HEMK2: variants seen among roughly 807,000 people sequenced by gnomAD.
HEMK2 encodes the protein methyltransferase HEMK2.
At chr21:28,762,364 C>A in the HEMK2 span, among the ~76,000 whole-genome samples, 8 of 152,164 alleles carry the variant, frequency 5.3e-5, no homozygotes, top group South Asian at 1.7e-3. Flanking sequence ...GTTATCCAAA[C>A]CATGGTCTAC....
the HEMK2 span, chr21:28,879,835 A>C: frequency 5.6e-6 from 8 of 1,437,798 alleles, no homozygotes; most frequent in Non-Finnish European, 6.6e-6. Context: ...AAATAATTGA[A>C]AATATTAATA....
At chr21:28,722,865 C>T in the HEMK2 span, among the ~76,000 whole-genome samples, 3 of 151,404 alleles carry the variant, frequency 2.0e-5, no homozygotes, top group African/African-American at 7.3e-5. Flanking sequence ...GCCTGGGCAA[C>T]AAGAGCGAAA....
the HEMK2 span, among the ~76,000 whole-genome samples, chr21:28,736,691 G>A: frequency 6.6e-6 from 1 of 152,062 alleles, no homozygotes; most frequent in Non-Finnish European, 1.5e-5. Flanking sequence ...CCTGCACCTG[G>A]GAGGCAGAGG....
chr21:28,620,660 C>CTTTT, the HEMK2 span, among the ~76,000 whole-genome samples: 21 of 49,656 alleles, frequency 4.2e-4, 1 homozygote, highest in South Asian at 1.1e-3. Flanking sequence ...TCTCTCTTTT[C>CTTTT]TTTTTTTTTT....
At chr21:28,792,198 C>A in the HEMK2 span, among the ~76,000 whole-genome samples, 1 of 152,124 alleles carries the variant, frequency 6.6e-6, no homozygotes, top group Non-Finnish European at 1.5e-5. Flanking sequence ...ATAATCAACC[C>A]CTTGTTTAGC....
chr21:28,585,536 A>G, the HEMK2 span, among the ~76,000 whole-genome samples: 1 of 152,014 alleles, frequency 6.6e-6, no homozygotes, highest in South Asian at 2.1e-4. Flanking sequence ...ACAAAAAATG[A>G]CAAGGCAGAC....
the HEMK2 span, among the ~76,000 whole-genome samples, chr21:28,709,078 G>A: frequency 6.6e-6 from 1 of 152,110 alleles, no homozygotes; most frequent in South Asian, 2.1e-4. Context: ...AAAGAGCTGG[G>A]GAGTTCTTTG....
chr21:28,580,163 G>A, the HEMK2 span, among the ~76,000 whole-genome samples: 4 of 152,244 alleles, frequency 2.6e-5, no homozygotes, highest in African/African-American at 7.2e-5. Context: ...TAACTGAGCT[G>A]GTGGGAAGCA....
chr21:28,632,980 C>T, the HEMK2 span, among the ~76,000 whole-genome samples: 2 of 152,174 alleles, frequency 1.3e-5, no homozygotes, highest in East Asian at 3.9e-4. Flanking sequence ...TAGTCAGAGT[C>T]CTATTTCCTC....
At chr21:28,788,633 T>C in the HEMK2 span, among the ~76,000 whole-genome samples, 1 of 150,720 alleles carries the variant, frequency 6.6e-6, no homozygotes, top group Non-Finnish European at 1.5e-5. Context: ...ACCAAGAACT[T>C]ACTCATGTAG....
At chr21:28,742,403 G>A in the HEMK2 span, among the ~76,000 whole-genome samples, 1 of 152,076 alleles carries the variant, frequency 6.6e-6, no homozygotes, top group Admixed American at 6.6e-5. Context: ...TTAACATTTG[G>A]TAAACTTATC....
chr21:28,708,257 A>T, the HEMK2 span, among the ~76,000 whole-genome samples: 1 of 152,066 alleles, frequency 6.6e-6, no homozygotes, highest in African/African-American at 2.4e-5. Context: ...TATGAAACTT[A>T]CATGTGGAAA....
chr21:28,789,460 T>C, the HEMK2 span, among the ~76,000 whole-genome samples: 2 of 152,134 alleles, frequency 1.3e-5, no homozygotes, highest in Admixed American at 1.3e-4. Flanking sequence ...AGAGGGGATA[T>C]GAGGGAAAGT....
chr21:28,841,374 T>TTA, the HEMK2 span, among the ~76,000 whole-genome samples: 1 of 29,406 alleles, frequency 3.4e-5, no homozygotes, highest in Non-Finnish European at 4.9e-5. Flanking sequence ...ATATAAAATA[T>TTA]TATATATAAT....
At chr21:28,830,471 T>C in the HEMK2 span, among the ~76,000 whole-genome samples, 1 of 152,212 alleles carries the variant, frequency 6.6e-6, no homozygotes, top group African/African-American at 2.4e-5. Context: ...CCTATGGAAC[T>C]GTGAGTCAAT....
the HEMK2 span, among the ~76,000 whole-genome samples, chr21:28,698,340 T>C: frequency 6.6e-6 from 1 of 152,260 alleles, no homozygotes; most frequent in Non-Finnish European, 1.5e-5. Context: ...GATATATATA[T>C]ATAAAGCCTG....
At chr21:28,691,352 T>C in the HEMK2 span, among the ~76,000 whole-genome samples, 3 of 152,224 alleles carry the variant, frequency 2.0e-5, no homozygotes, top group Non-Finnish European at 4.4e-5. Flanking sequence ...TTTTTAAATA[T>C]CTTTATGAAT....
At chr21:28,880,169 TA>T in the HEMK2 span, among the ~76,000 whole-genome samples, 2 of 152,176 alleles carry the variant, frequency 1.3e-5, no homozygotes, top group Non-Finnish European at 2.9e-5. Flanking sequence ...GAATGAATAT[TA>T]AAAAGCCTAT....
chr21:28,640,400 C>A, the HEMK2 span, among the ~76,000 whole-genome samples: 1 of 152,100 alleles, frequency 6.6e-6, no homozygotes, highest in Non-Finnish European at 1.5e-5. Flanking sequence ...ACAGGATGGA[C>A]ACGAATATTT....
Sources: allele counts gnomAD v4.1 joint callset (sites outside exome capture counted in the v4.1 genomes callset), GRCh38; gene constraint gnomAD v4.1.1; transcripts MANE v1.5; gene names NCBI Gene and HGNC (gene_info 2026-07-23, HGNC 2026-07-21).